Variants in KCNQ5 observed in about 807,000 individuals in gnomAD.
The protein encoded by KCNQ5 is potassium voltage-gated channel subfamily KQT member 5.
KCNQ5 carries 30 observed loss-of-function variants against 98.2 expected under a neutral mutation model. The ratio of observed to expected loss-of-function variants is 0.31; its 90% CI spans 0.23 to 0.41. The LOEUF is 0.41. Among genes scored for constraint, KCNQ5 ranks in the 10% least tolerant of loss-of-function variants. The probability of loss-of-function intolerance (pLI) is 1.00; values close to 1 mark genes in which losing one functional copy is unlikely to be tolerated. For missense variants in KCNQ5, 835 were observed against 1,182.5 expected, an observed-to-expected ratio of 0.71 and a Z score of 4.31; for synonymous variants, 458 against 449.4, an observed-to-expected ratio of 1.02 and a Z score of -0.24.
At chr6:72,812,276 C>A (rs1775281870) in intron 1 of KCNQ5, among the ~76,000 whole-genome samples, 1 of 152,134 alleles carries the variant, frequency 6.6e-6, no homozygotes, top group African/African-American at 2.4e-5. Flanking sequence ...AATGCCTGAC[C>A]TCCTTGGAAT....
At chr6:72,875,276 C>G (rs551273838) in intron 1 of KCNQ5, among the ~76,000 whole-genome samples, 1 of 152,102 alleles carries the variant, frequency 6.6e-6, no homozygotes, top group African/African-American at 2.4e-5. Context: ...TCCTCTATAG[C>G]GATCAATTTA....
At chr6:72,980,332 T>G (rs1768375492) in intron 1 of KCNQ5, among the ~76,000 whole-genome samples, 1 of 152,242 alleles carries the variant, frequency 6.6e-6, no homozygotes, top group Non-Finnish European at 1.5e-5. Context: ...TTCCATTTGT[T>G]TGTGTCCTCT....
At chr6:72,762,416 TA>T (rs111784331) in intron 1 of KCNQ5, among the ~76,000 whole-genome samples, 18,713 of 148,034 alleles carry the variant, frequency 0.13, 3,786 homozygotes, top group African/African-American at 0.42. Context: ...TTAGAATACT[TA>T]AAAAAAAAAA....
intron 1 of KCNQ5, among the ~76,000 whole-genome samples, chr6:72,909,499 G>C (rs1779837529): frequency 6.6e-6 from 1 of 152,088 alleles, no homozygotes; most frequent in South Asian, 2.1e-4. Context: ...TCCATGGTTA[G>C]AGGCTAGGAT....
Position 72,969,621 on chromosome 6 carries a change from C to T in KCNQ5, c.399-34287C>T, listed in dbSNP as rs541333971. ...TATTCCGTCATTTTTCTCCTAGATA[C>T]GACTGGACAGATTGTTTACTTATAG... On this transcript the variant is annotated intron_variant, in intron 1 of 13. Transcript: ENST00000370398. Among the ~76,000 whole-genome samples the T allele has an allele frequency of 2.4e-4, 37 of 152,240 alleles. 1 individual carries two copies. Among genetic ancestry groups the T allele is most frequent in the Admixed American group, 2.0e-3 (31 of 15,270 alleles).
chr6:72,843,901 T>C (rs1276430583), intron 1 of KCNQ5, among the ~76,000 whole-genome samples: 1 of 152,092 alleles, frequency 6.6e-6, no homozygotes, highest in Non-Finnish European at 1.5e-5. Flanking sequence ...TGGATGAAGC[T>C]GGAAACCATC....
chr6:73,117,551 C>A (rs1775557528), intron 7 of KCNQ5, among the ~76,000 whole-genome samples: 1 of 152,206 alleles, frequency 6.6e-6, no homozygotes, highest in Admixed American at 6.5e-5. Context: ...CATTCACAGG[C>A]AATGCCTTGG....
rs149352312 is a variant in KCNQ5 at position 72,781,995 on chromosome 6, G to A, written c.398+159408G>A. ...AATAGAATTGACATGCAATGAATAG[G>A]AGTTAAAATCATTTTAATTTTGACC... On this transcript the variant is annotated intron_variant, in intron 1 of 13. Coordinates refer to ENST00000370398, the MANE Select transcript of KCNQ5 (RefSeq NM_019842.4). 3.2e-4 allele frequency among the ~76,000 whole-genome samples: 49 copies of A among 152,214 alleles called. No homozygotes were observed. The East Asian group carries it at 4.2e-3, about 13-fold the overall frequency.
intron 12 of KCNQ5, 43 bp downstream of exon 12, chr6:73,190,747 G>A: frequency 7.2e-7 from 1 of 1,396,560 alleles, no homozygotes; most frequent in Non-Finnish European, 9.6e-7. Context: ...AATGGGCATA[G>A]AACCTATCTA....
Position 72,703,532 on chromosome 6 carries a change from ATAGT to A in KCNQ5, c.398+80952_398+80955del, listed in dbSNP as rs751047246. ...TCCAACAAAATTTGAAAGGCTGAAA[ATAGT>A]TAGTTAAACCATTTCTTAAAAAATG... On this transcript the variant is annotated intron_variant, in intron 1 of 13. Transcript: ENST00000370398. Among the ~76,000 whole-genome samples the A allele has an allele frequency of 1.9e-4, 29 of 152,346 alleles. No individual in the cohort carries two copies. The East Asian group carries it at 2.3e-3, about 12-fold the overall frequency.
chr6:73,027,837 A>T (rs937046936), intron 2 of KCNQ5, among the ~76,000 whole-genome samples: 1 of 152,242 alleles, frequency 6.6e-6, no homozygotes, highest in Non-Finnish European at 1.5e-5. Context: ...TTCTGGAAGA[A>T]GATAAGATTC....
intron 1 of KCNQ5, among the ~76,000 whole-genome samples, chr6:72,661,908 T>C (rs942590871): frequency 1.3e-5 from 2 of 152,168 alleles, no homozygotes; most frequent in Non-Finnish European, 2.9e-5. Context: ...TTCCAAATTA[T>C]TTATTTATGT....
intron 1 of KCNQ5, among the ~76,000 whole-genome samples, chr6:72,808,212 AAAG>A (rs1260738433): frequency 1.3e-5 from 2 of 152,320 alleles, no homozygotes; most frequent in Non-Finnish European, 2.9e-5. Context: ...AATATCTAAG[AAAG>A]AAGAAGTTGT....
chr6:73,114,727 T>C (rs1044816863), intron 7 of KCNQ5, among the ~76,000 whole-genome samples: 1 of 152,272 alleles, frequency 6.6e-6, no homozygotes, highest in Admixed American at 6.5e-5. Flanking sequence ...CATTACCCCT[T>C]TCAAAAAGCA....
chr6:73,000,639 A>G lies in KCNQ5; in HGVS notation c.399-3269A>G, dbSNP rs542206655. 3.6e-4 allele frequency among the ~76,000 whole-genome samples: 55 copies of G among 152,152 alleles called. No individual in the cohort carries two copies. In the East Asian group the frequency reaches 9.3e-3, roughly 26 times the overall value. ...TACAGTCATCTCAGACTTTCCAGCC[A>G]CCACACCCGCTTCCCAGACTCCACT... On this transcript the variant is annotated intron_variant, in intron 1 of 13. Transcript: ENST00000370398.
chr6:73,179,915 C>G (rs1778346543), intron 11 of KCNQ5, among the ~76,000 whole-genome samples: 1 of 152,212 alleles, frequency 6.6e-6, no homozygotes. Context: ...AGTGCCCAAG[C>G]AATAGGATTT....
intron 9 of KCNQ5, among the ~76,000 whole-genome samples, chr6:73,132,605 G>A (rs192894675): frequency 1.1e-3 from 161 of 152,288 alleles, no homozygotes; most frequent in Non-Finnish European, 1.8e-3. Flanking sequence ...TTTTATGATT[G>A]TTGTTAATGC....
At chr6:72,760,316 A>G (rs1772200015) in intron 1 of KCNQ5, among the ~76,000 whole-genome samples, 1 of 152,126 alleles carries the variant, frequency 6.6e-6, no homozygotes, top group Non-Finnish European at 1.5e-5. Context: ...AAGTTTTAAG[A>G]GCAATTAGAG....
At chr6:73,031,571 C>T (rs531011808) in intron 2 of KCNQ5, among the ~76,000 whole-genome samples, 2 of 152,248 alleles carry the variant, frequency 1.3e-5, no homozygotes, top group East Asian at 1.9e-4. Context: ...AGAGGGGCTA[C>T]GACAATGGGT....
Sources: allele counts gnomAD v4.1 joint callset (sites outside exome capture counted in the v4.1 genomes callset), GRCh38; gene constraint gnomAD v4.1.1; transcripts MANE v1.5; gene names NCBI Gene and HGNC (gene_info 2026-07-23, HGNC 2026-07-21).